SPAG16: variants seen among roughly 807,000 people sequenced by gnomAD.
SPAG16 encodes the protein sperm-associated antigen 16 protein.
A neutral mutation model predicts 80.4 loss-of-function variants in SPAG16; 86 were observed. The observed-to-expected ratio is 1.07, with a 90% CI of 0.90 to 1.28. The LOEUF is 1.28. Among genes scored for constraint, SPAG16 ranks in the 50% most tolerant of loss-of-function variants. The pLI is 0.00. For missense variants in SPAG16, 870 were observed against 765.3 expected (o/e 1.14, Z -1.61); for synonymous variants, 294 against 265.9 (o/e 1.11, Z -1.03).
rs2078683992 is a variant in SPAG16 at position 213,930,150 on chromosome 2, G to A, written c.1400+5G>A. 6.2e-7 allele frequency: 1 copy of A among 1,610,926 alleles called. No individual in the cohort carries two copies. Among genetic ancestry groups the A allele is most frequent in the Admixed American group, 1.7e-5 (1 of 59,684 alleles). Reference sequence around the variant, plus strand: ...CAAAATTTGGGATGTTAATAGGTAAGAAGTACTTTAAACATTACTAATCCT... The same window carrying A: ...CAAAATTTGGGATGTTAATAGGTAAAAAGTACTTTAAACATTACTAATCCT... On this transcript the variant is annotated splice_donor_5th_base_variant and intron_variant, in intron 12 of 15. Transcript: ENST00000331683.
At chr2:213,816,637 A>G (rs2072556428) in intron 10 of SPAG16, among the ~76,000 whole-genome samples, 1 of 152,084 alleles carries the variant, frequency 6.6e-6, no homozygotes, top group South Asian at 2.1e-4. Context: ...TATCCAGAAC[A>G]TATTTTATAT....
intron 15 of SPAG16, among the ~76,000 whole-genome samples, chr2:214,396,106 A>G (rs1463663951): frequency 2.0e-5 from 3 of 152,062 alleles, no homozygotes; most frequent in Non-Finnish European, 4.4e-5. Flanking sequence ...GACTCATCAC[A>G]CTGCTTTCCA....
intron 10 of SPAG16, among the ~76,000 whole-genome samples, chr2:213,545,385 T>G (rs192300419): frequency 6.6e-6 from 1 of 152,270 alleles, no homozygotes; most frequent in Non-Finnish European, 1.5e-5. Context: ...AGTTGTGTGT[T>G]TTGTAAATAT....
intron 13 of SPAG16, among the ~76,000 whole-genome samples, chr2:214,105,644 AT>A (rs1166783847): frequency 2.6e-5 from 4 of 151,936 alleles, no homozygotes. Flanking sequence ...CATTATTATT[AT>A]TTTTTTTGTA....
chr2:213,392,017 T>C (rs1485629689), intron 9 of SPAG16, among the ~76,000 whole-genome samples: 1 of 152,236 alleles, frequency 6.6e-6, no homozygotes, highest in East Asian at 1.9e-4. Flanking sequence ...GGCTATTCTA[T>C]ATTTTGATTT....
intron 15 of SPAG16, among the ~76,000 whole-genome samples, chr2:214,179,168 T>A (rs887055320): frequency 5.9e-5 from 9 of 151,456 alleles, no homozygotes; most frequent in Non-Finnish European, 1.0e-4. Context: ...AGTATTTGTT[T>A]TTCACCATTT....
chr2:213,319,958 T>G (rs115824678), intron 5 of SPAG16, among the ~76,000 whole-genome samples: 2,167 of 152,076 alleles, frequency 0.014, 24 homozygotes, highest in South Asian at 0.038. Flanking sequence ...ATCTATCTCA[T>G]TCAATAGAAC....
chr2:213,517,112 G>A (rs1340128627), intron 10 of SPAG16, among the ~76,000 whole-genome samples: 1 of 152,058 alleles, frequency 6.6e-6, no homozygotes, highest in Non-Finnish European at 1.5e-5. Flanking sequence ...ATTTTAGGAA[G>A]ATTTCAGGAC....
intron 10 of SPAG16, among the ~76,000 whole-genome samples, chr2:213,802,583 C>T (rs1043839806): frequency 6.6e-6 from 1 of 152,044 alleles, no homozygotes; most frequent in African/African-American, 2.4e-5. Context: ...AAAGCACCTA[C>T]CCTAATTCTG....
chr2:214,374,225 C>A (rs1699990365), intron 15 of SPAG16, among the ~76,000 whole-genome samples: 1 of 152,200 alleles, frequency 6.6e-6, no homozygotes, highest in Admixed American at 6.5e-5. Flanking sequence ...CCAAAAGTAT[C>A]TGCTTGGCAG....
chr2:214,247,772 C>G (rs1431062760), intron 15 of SPAG16, among the ~76,000 whole-genome samples: 1 of 152,076 alleles, frequency 6.6e-6, no homozygotes, highest in African/African-American at 2.4e-5. Flanking sequence ...TGGCTCATGC[C>G]TGTAATCCCA....
intron 14 of SPAG16, among the ~76,000 whole-genome samples, chr2:214,135,493 G>A (rs1338098959): frequency 2.6e-5 from 4 of 152,158 alleles, no homozygotes; most frequent in South Asian, 2.1e-4. Context: ...CCCGGAGTTC[G>A]GATGTCTGAC....
chr2:213,804,433 C>G (rs781668000), intron 10 of SPAG16, among the ~76,000 whole-genome samples: 3 of 152,174 alleles, frequency 2.0e-5, no homozygotes, highest in Non-Finnish European at 4.4e-5. Flanking sequence ...CCTGTAATCC[C>G]AGCACTTTGG....
intron 12 of SPAG16, among the ~76,000 whole-genome samples, chr2:213,980,723 T>TAG (rs1479670816): frequency 2.2e-4 from 21 of 93,966 alleles, no homozygotes; most frequent in South Asian, 8.7e-4. Flanking sequence ...TATATATATA[T>TAG]ATAGAGAGAG....
chr2:213,602,847 C>T (rs1273167504), intron 10 of SPAG16, among the ~76,000 whole-genome samples: 1 of 152,052 alleles, frequency 6.6e-6, no homozygotes, highest in East Asian at 1.9e-4. Context: ...ATTTTTCCCA[C>T]TTGGGTAATT....
chr2:214,360,780 C>A (rs1263711145), intron 15 of SPAG16, among the ~76,000 whole-genome samples: 1 of 151,774 alleles, frequency 6.6e-6, no homozygotes, highest in Non-Finnish European at 1.5e-5. Context: ...GGAGGCAAGG[C>A]TTACAAATTT....
chr2:213,422,184 C>T, intron 9 of SPAG16: 3 of 701,008 alleles, frequency 4.3e-6, no homozygotes, highest in Non-Finnish European at 7.8e-6. Flanking sequence ...GAGCCCAGAC[C>T]TAGAAGCTCC....
At chr2:214,300,174 T>A (rs1190129786) in intron 15 of SPAG16, among the ~76,000 whole-genome samples, 1 of 151,918 alleles carries the variant, frequency 6.6e-6, no homozygotes, top group Non-Finnish European at 1.5e-5. Context: ...TCTGGAAAAA[T>A]TAGGTAGAGA....
intron 10 of SPAG16, among the ~76,000 whole-genome samples, chr2:213,715,280 C>G (rs2066191913): frequency 6.8e-6 from 1 of 148,080 alleles, no homozygotes; most frequent in Admixed American, 6.8e-5. Flanking sequence ...ATTCATCCAT[C>G]TAAGACAGAG....
Sources: gnomAD v4.1 joint callset for allele counts (sites outside exome capture counted in the v4.1 genomes callset) on GRCh38, gnomAD v4.1.1 for gene constraint, MANE v1.5 for transcripts, NCBI Gene and HGNC (gene_info 2026-07-23, HGNC 2026-07-21) for gene names.